PRKCA: variants seen among roughly 807,000 people sequenced by gnomAD.
PRKCA encodes the protein protein kinase C alpha type.
Under a neutral mutation model 87.0 loss-of-function variants are expected in PRKCA, and 27 were observed. That is an observed-to-expected ratio of 0.31 (90% confidence interval 0.23 to 0.43). PRKCA has a LOEUF of 0.43. Among genes scored for constraint, PRKCA ranks in the 20% least tolerant of loss-of-function variants. The pLI is 1.00. For synonymous variants in PRKCA, 329 were observed against 311.1 expected, an observed-to-expected ratio of 1.06 and a Z score of -0.61; for missense variants, 518 against 852.3, an observed-to-expected ratio of 0.61 and a Z score of 4.88.
chr17:66,709,831 A>T (rs551332898), intron 8 of PRKCA, among the ~76,000 whole-genome samples: 27 of 152,304 alleles, frequency 1.8e-4, no homozygotes, highest in Admixed American at 3.9e-4. Context: ...CTTCCAAGAT[A>T]TTGAAGAGCC....
intron 2 of PRKCA, among the ~76,000 whole-genome samples, chr17:66,459,787 G>A (rs866731830): frequency 4.6e-5 from 7 of 151,968 alleles, no homozygotes; most frequent in Non-Finnish European, 7.4e-5. Flanking sequence ...CGTTCAGTGC[G>A]TAAGTATCAC....
chr17:66,779,553 G>A (rs1171898035), intron 14 of PRKCA, among the ~76,000 whole-genome samples: 1 of 152,120 alleles, frequency 6.6e-6, no homozygotes, highest in Non-Finnish European at 1.5e-5. Context: ...AGGGGAGCAT[G>A]CCTAGCCCCC....
intron 3 of PRKCA, among the ~76,000 whole-genome samples, chr17:66,547,785 C>G (rs1004045988): frequency 2.6e-5 from 4 of 152,160 alleles, no homozygotes; most frequent in African/African-American, 9.7e-5. Context: ...ACCACCAGTT[C>G]AACTCAAATA....
In PRKCA at chr17:66,644,985, G is replaced by A. The variant is rs557552488; in HGVS notation, c.401-398G>A. Among the ~76,000 whole-genome samples, 18 of 148,448 alleles carry A rather than the reference G, an allele frequency of 1.2e-4. No homozygotes were observed. In the South Asian group the frequency reaches 1.9e-3, roughly 16 times the overall value. On this transcript the variant is annotated intron_variant, in intron 4 of 16. Coordinates refer to ENST00000413366, the MANE Select transcript of PRKCA (RefSeq NM_002737.3). Reference sequence around the variant, plus strand: ...AGCCTGAGAGACAAAAGGAGACCCTGTCTGAAGAAAAAAAAAAAAATCCTC... The same window carrying A: ...AGCCTGAGAGACAAAAGGAGACCCTATCTGAAGAAAAAAAAAAAAATCCTC...
rs948491745 is a variant in PRKCA at position 66,586,271 on chromosome 17, C to G, written c.289-55084C>G. ...GAAATGTTGTGAAAGTGGCTGCCTT[C>G]TTTCCTTTACCTAACTTGTGACATC... On this transcript the variant is annotated intron_variant, in intron 3 of 16. Coordinates refer to ENST00000413366, the MANE Select transcript of PRKCA (RefSeq NM_002737.3). Among the ~76,000 whole-genome samples the G allele has an allele frequency of 6.6e-5, 10 of 152,278 alleles. No homozygotes were observed. The East Asian group carries it at 1.9e-3, about 29-fold the overall frequency.
chr17:66,522,159 C>A (rs1455934291), intron 3 of PRKCA, among the ~76,000 whole-genome samples: 1 of 152,142 alleles, frequency 6.6e-6, no homozygotes, highest in Admixed American at 6.5e-5. Context: ...ACGGGTCCTG[C>A]AGGTGGATGT....
At chr17:66,607,433 C>T (rs1425969025) in intron 3 of PRKCA, among the ~76,000 whole-genome samples, 1 of 152,138 alleles carries the variant, frequency 6.6e-6, no homozygotes. Flanking sequence ...CACTTCATCC[C>T]CTCAGTTAAA....
At chr17:66,744,243 C>A (rs941316243) in intron 13 of PRKCA, among the ~76,000 whole-genome samples, 2 of 152,148 alleles carry the variant, frequency 1.3e-5, no homozygotes, top group African/African-American at 4.8e-5. Flanking sequence ...TCATTAGTAC[C>A]TACAGACATG....
chr17:66,742,792 G>C, intron 13 of PRKCA, 32 bp downstream of exon 13: 4 of 1,608,716 alleles, frequency 2.5e-6, no homozygotes, highest in Non-Finnish European at 3.4e-6. Context: ...TTCTCAACCA[G>C]GACTCCCAAA....
intron 8 of PRKCA, among the ~76,000 whole-genome samples, chr17:66,702,184 G>A (rs936486870): frequency 2.0e-5 from 3 of 151,634 alleles, no homozygotes; most frequent in Admixed American, 1.3e-4. Context: ...AGGCTCAATT[G>A]TGTATACACA....
intron 2 of PRKCA, among the ~76,000 whole-genome samples, chr17:66,347,442 G>A (rs77204538): frequency 0.037 from 5,669 of 152,294 alleles, 141 homozygotes; most frequent in Non-Finnish European, 0.05. Context: ...GATAGTGGTC[G>A]TTGGCAAGTA....
chr17:66,732,233 C>T (rs971145776), intron 8 of PRKCA, among the ~76,000 whole-genome samples: 2 of 151,998 alleles, frequency 1.3e-5, no homozygotes, highest in African/African-American at 2.4e-5. Flanking sequence ...CTCCAGAGAA[C>T]ATTTTCCTCC....
At chr17:66,418,535 A>G (rs930996921) in intron 2 of PRKCA, among the ~76,000 whole-genome samples, 2 of 151,008 alleles carry the variant, frequency 1.3e-5, no homozygotes. Context: ...TCCCGGGCTC[A>G]AGCAATTCTC....
chr17:66,595,463 C>CTTTTTTTTTTT (rs374376124), intron 3 of PRKCA, among the ~76,000 whole-genome samples: 1,797 of 116,206 alleles, frequency 0.015, 113 homozygotes, highest in African/African-American at 0.024. Flanking sequence ...TCTTTTCCTT[C>CTTTTTTTTTTT]TTTTTTTTTT....
At chr17:66,518,810 C>T (rs1198935143) in intron 3 of PRKCA, among the ~76,000 whole-genome samples, 3 of 152,166 alleles carry the variant, frequency 2.0e-5, no homozygotes, top group East Asian at 1.9e-4. Flanking sequence ...TTTGTACTCT[C>T]CTCATTCTCT....
intron 5 of PRKCA, among the ~76,000 whole-genome samples, chr17:66,655,620 A>G (rs948399924): frequency 1.3e-5 from 2 of 152,164 alleles, no homozygotes; most frequent in Non-Finnish European, 1.5e-5. Context: ...CCACTATGTC[A>G]TAAGTCCTTT....
intron 3 of PRKCA, among the ~76,000 whole-genome samples, chr17:66,613,153 A>G (rs1970415982): frequency 2.0e-5 from 3 of 152,208 alleles, no homozygotes; most frequent in African/African-American, 4.8e-5. Flanking sequence ...TCTCACCTCA[A>G]TAAACCACTA....
chr17:66,306,303 T>G (rs1330533480), intron 2 of PRKCA, 176 bp downstream of exon 2: 1 of 462,072 alleles, frequency 2.2e-6, no homozygotes, highest in Non-Finnish European at 3.7e-6. Flanking sequence ...CTAATCTGCA[T>G]ATAGAGCTGC....
intron 2 of PRKCA, among the ~76,000 whole-genome samples, chr17:66,378,630 A>T (rs7216455): frequency 0.79 from 120,367 of 151,994 alleles, 48,164 homozygotes; most frequent in South Asian, 0.87. Flanking sequence ...CTGGGCGTAA[A>T]GTCTCACGCC....
Sources: allele counts gnomAD v4.1 joint callset (sites outside exome capture counted in the v4.1 genomes callset), GRCh38; gene constraint gnomAD v4.1.1; transcripts MANE v1.5; gene names NCBI Gene and HGNC (gene_info 2026-07-23, HGNC 2026-07-21).